Variants in MILR1 observed in about 807,000 individuals in gnomAD.
The protein encoded by MILR1 is allergin-1.
A neutral mutation model predicts 18.5 loss-of-function variants in MILR1; 31 were observed. The observed-to-expected ratio is 1.68, with a 90% CI of 1.26 to 2.26. The LOEUF is 2.26. MILR1 is among the 30% of genes most tolerant of loss of function. The pLI, the probability that MILR1 is intolerant of heterozygous loss-of-function variation, is 0.00. For synonymous variants in MILR1, 85 were observed against 56.2 expected, an observed-to-expected ratio of 1.51 and a Z score of -2.30; for missense variants, 257 against 157.4, an observed-to-expected ratio of 1.63 and a Z score of -3.38.
chr17:64,485,575 T>C, the MILR1 span: 12 of 668,618 alleles, frequency 1.8e-5, no homozygotes, highest in Non-Finnish European at 3.2e-5. Flanking sequence ...CTTATTCCTG[T>C]GGCCAGATTC....
chr17:64,455,133 C>T (rs2037260739), intron 3 of MILR1, among the ~76,000 whole-genome samples: 1 of 152,202 alleles, frequency 6.6e-6, no homozygotes, highest in African/African-American at 2.4e-5. Flanking sequence ...GGCAGGAACA[C>T]AGCTGATGGT....
chr17:64,482,635 CA>C, the MILR1 span, among the ~76,000 whole-genome samples: 6 of 152,224 alleles, frequency 3.9e-5, no homozygotes, highest in African/African-American at 1.4e-4. Flanking sequence ...TTTTAAAAAG[CA>C]AATGAATCAA....
At position 64,452,722 on chromosome 17, in the gene MILR1, C is replaced by T; in HGVS notation, c.223C>T (p.His75Tyr). Reference protein sequence around the residue: ...ITYSLFRRKTHLGTQDGKGEP... With the variant: ...ITYSLFRRKTYLGTQDGKGEP... ...CTATTCATTGTTTCGACGTAAGACACACCTGGGAACCCAGGATGGAAAAGG... is the reference window on the plus strand; with the variant it reads ...CTATTCATTGTTTCGACGTAAGACATACCTGGGAACCCAGGATGGAAAAGG... The change falls in exon 3 of 10, where the codon CAC (histidine) becomes TAC (tyrosine). Residue 75 changes from histidine to tyrosine, a missense_variant. Coordinates refer to ENST00000619286, the MANE Select transcript of MILR1 (RefSeq NM_001085423.2). The T allele has an allele frequency of 2.1e-6, 1 of 475,250 alleles. No individual in the cohort carries two copies. The highest frequency in any genetic ancestry group is 3.1e-5 in the East Asian group (1 of 32,042). The allele number at this position is 475,250 out of a possible 1,614,324, so 29.4% of individuals were successfully genotyped here.
intron 3 of MILR1, among the ~76,000 whole-genome samples, chr17:64,456,298 C>A (rs1258074400): frequency 6.6e-6 from 1 of 151,280 alleles, no homozygotes; most frequent in African/African-American, 2.5e-5. Context: ...TCCTATAATA[C>A]TGTCTTATTA....
In MILR1 at chr17:64,468,345, G is replaced by A. The variant is rs1555663919; in HGVS notation, c.*64G>A. 1 of 453,190 alleles carries A rather than the reference G, an allele frequency of 2.2e-6. No individual in the cohort carries two copies. Among genetic ancestry groups the A allele is most frequent in the Non-Finnish European group, 4.4e-6 (1 of 225,982 alleles). 28.1% of individuals were successfully genotyped at this position (453,190 alleles called of 1,614,324 possible). On this transcript the variant is annotated 3_prime_UTR_variant, in exon 10 of 10. Coordinates refer to ENST00000619286, the MANE Select transcript of MILR1 (RefSeq NM_001085423.2). Reference sequence around the variant, plus strand: ...ACTCTGTTGCCCAGGCTGGAGTTCAGTAGCGCGATCTTGGCTCACTTCAAT... The same window carrying A: ...ACTCTGTTGCCCAGGCTGGAGTTCAATAGCGCGATCTTGGCTCACTTCAAT...
downstream of MILR1, among the ~76,000 whole-genome samples, chr17:64,473,302 G>C (rs540873962): frequency 6.7e-6 from 1 of 149,526 alleles, no homozygotes; most frequent in African/African-American, 2.5e-5. Flanking sequence ...AGTGAGCCCA[G>C]ATCGCGCCAC....
At chr17:64,464,946 G>A (rs149197105) in intron 5 of MILR1, among the ~76,000 whole-genome samples, 26 of 151,464 alleles carry the variant, frequency 1.7e-4, no homozygotes, top group African/African-American at 5.1e-4. Flanking sequence ...AAATTAGCTG[G>A]GCATGGTGGT....
intron 5 of MILR1, among the ~76,000 whole-genome samples, chr17:64,464,167 A>C (rs1339472577): frequency 7.0e-6 from 1 of 142,314 alleles, no homozygotes; most frequent in Non-Finnish European, 1.5e-5. Flanking sequence ...CCATCACCCA[A>C]GGCTGGAGTG....
downstream of MILR1, among the ~76,000 whole-genome samples, chr17:64,473,248 G>A (rs755448472): frequency 6.6e-6 from 1 of 151,930 alleles, no homozygotes. Flanking sequence ...CTACTCGGGA[G>A]GCTGAGGCAG....
intron 4 of MILR1, among the ~76,000 whole-genome samples, chr17:64,460,174 C>T (rs1285277473): frequency 2.0e-5 from 3 of 151,620 alleles, no homozygotes; most frequent in Non-Finnish European, 2.9e-5. Flanking sequence ...TACAGGCACG[C>T]GCCACCAGGC....
the MILR1 span, chr17:64,491,420 C>A: frequency 1.4e-6 from 1 of 725,892 alleles, no homozygotes; most frequent in Non-Finnish European, 2.2e-6. Context: ...CAGAGCAAGA[C>A]TTCATCTCTA....
In MILR1 at chr17:64,466,576, T is replaced by C; in HGVS notation, c.911-18T>C. 6.2e-7 allele frequency: 1 copy of C among 1,611,130 alleles called. No individual in the cohort carries two copies. The highest frequency in any genetic ancestry group is 8.5e-7 in the Non-Finnish European group (1 of 1,178,640). On this transcript the variant is annotated intron_variant, in intron 7 of 9. Coordinates refer to ENST00000619286, the MANE Select transcript of MILR1 (RefSeq NM_001085423.2). Reference sequence around the variant, plus strand: ...ACATAATTGGCCCAATAATTCCTATTCCTTATCTTTTGCCCAGAGGCCAAA... The same window carrying C: ...ACATAATTGGCCCAATAATTCCTATCCCTTATCTTTTGCCCAGAGGCCAAA...
At chr17:64,491,998 A>G in the MILR1 span, among the ~76,000 whole-genome samples, 1 of 152,088 alleles carries the variant, frequency 6.6e-6, no homozygotes, top group Non-Finnish European at 1.5e-5. Context: ...GAAAATACTG[A>G]GTATATTGCT....
chr17:64,467,365 C>A (rs1555663648), intron 8 of MILR1, among the ~76,000 whole-genome samples, 200 bp from the exon 9 acceptor site: 2 of 151,958 alleles, frequency 1.3e-5, no homozygotes, highest in Non-Finnish European at 2.9e-5. Context: ...CCTGCCTCGG[C>A]CTCCCAAAGT....
At chr17:64,491,072 A>G in the MILR1 span, 4 of 937,522 alleles carry the variant, frequency 4.3e-6, no homozygotes, top group Non-Finnish European at 6.8e-6. Flanking sequence ...CTTTTTATTC[A>G]GCAAATGTGC....
the MILR1 span, among the ~76,000 whole-genome samples, chr17:64,476,733 A>T: frequency 0.01 from 1,572 of 152,120 alleles, 22 homozygotes; most frequent in African/African-American, 0.036. Flanking sequence ...CAAAATTGTT[A>T]TCCCATCATT....
intron 3 of MILR1, among the ~76,000 whole-genome samples, chr17:64,453,557 T>TTC (rs879089045): frequency 6.9e-6 from 1 of 145,148 alleles, no homozygotes; most frequent in African/African-American, 2.8e-5. Flanking sequence ...TTTTTTTTTT[T>TTC]CTGAAGCCTT....
the MILR1 span, chr17:64,496,579 G>T: frequency 6.2e-7 from 1 of 1,613,512 alleles, no homozygotes; most frequent in Middle Eastern, 1.7e-4. Context: ...TGTGGTGGAG[G>T]GCGTCCACCG....
intron 8 of MILR1, among the ~76,000 whole-genome samples, chr17:64,466,878 G>GTCA: frequency 6.6e-6 from 1 of 152,150 alleles, no homozygotes; most frequent in South Asian, 2.1e-4. Context: ...GTGGGGGAAT[G>GTCA]TCATAGAAAA....
Sources: allele counts gnomAD v4.1 joint callset (sites outside exome capture counted in the v4.1 genomes callset), GRCh38; gene constraint gnomAD v4.1.1; transcripts MANE v1.5; gene names NCBI Gene and HGNC (gene_info 2026-07-23, HGNC 2026-07-21).